HS3ST5: variants seen among roughly 807,000 people sequenced by gnomAD.
HS3ST5 encodes the protein heparan sulfate glucosamine 3-O-sulfotransferase 5.
A neutral mutation model predicts 25.4 loss-of-function variants in HS3ST5; 10 were observed. That is an observed-to-expected ratio of 0.39 (90% CI 0.24 to 0.67). HS3ST5 has a LOEUF of 0.67. HS3ST5 is among the 30% of genes least tolerant of loss of function. The probability of loss-of-function intolerance (pLI) is 0.44; values close to 1 mark genes in which losing one functional copy is unlikely to be tolerated. For missense variants in HS3ST5, 324 were observed against 420.7 expected, an observed-to-expected ratio of 0.77 and a Z score of 2.01; for synonymous variants, 170 against 162.4, an observed-to-expected ratio of 1.05 and a Z score of -0.36.
chr6:114,164,915 A>T lies in HS3ST5; in HGVS notation c.-33+3436T>A, dbSNP rs532733559. Reference sequence around the variant, plus strand: ...ATGTGCTTAATAACTCATCAAATACATTTACTTCCCTTCAACATCTACAAG... The same window carrying T: ...ATGTGCTTAATAACTCATCAAATACTTTTACTTCCCTTCAACATCTACAAG... On this transcript the variant is annotated intron_variant, in intron 3 of 4. Coordinates refer to ENST00000312719, the MANE Select transcript of HS3ST5 (RefSeq NM_153612.4). 1.1e-4 allele frequency among the ~76,000 whole-genome samples: 17 copies of T among 152,260 alleles called. No homozygotes were observed. In the South Asian group the frequency reaches 1.7e-3, roughly 15 times the overall value.
intron 2 of HS3ST5, among the ~76,000 whole-genome samples, chr6:114,212,419 A>T (rs1009950267): frequency 5.9e-5 from 9 of 152,168 alleles, no homozygotes; most frequent in Non-Finnish European, 1.2e-4. Flanking sequence ...CCAATTTATC[A>T]TTCCTCCTTT....
At chr6:114,067,873 G>A (rs1773555507) in intron 3 of HS3ST5, among the ~76,000 whole-genome samples, 1 of 152,142 alleles carries the variant, frequency 6.6e-6, no homozygotes, top group South Asian at 2.1e-4. Context: ...TCACATTTTG[G>A]TTTGGTTTTG....
At chr6:114,141,249 T>C (rs1777886873) in intron 3 of HS3ST5, among the ~76,000 whole-genome samples, 1 of 152,230 alleles carries the variant, frequency 6.6e-6, no homozygotes, top group Non-Finnish European at 1.5e-5. Context: ...ACGATTGAAA[T>C]GTAATCACAG....
chr6:114,065,616 G>A (rs1773404849), intron 3 of HS3ST5, among the ~76,000 whole-genome samples: 1 of 152,256 alleles, frequency 6.6e-6, no homozygotes, highest in South Asian at 2.1e-4. Context: ...ACTATATAAA[G>A]GTTTATTAGC....
chr6:114,334,162 A>G (rs1225073412), intron 1 of HS3ST5, among the ~76,000 whole-genome samples: 7 of 152,226 alleles, frequency 4.6e-5, no homozygotes. Flanking sequence ...GTCCCTGAGA[A>G]GCACTCAAGT....
intron 3 of HS3ST5, among the ~76,000 whole-genome samples, chr6:114,153,949 G>T (rs1778579254): frequency 6.6e-6 from 1 of 152,190 alleles, no homozygotes; most frequent in African/African-American, 2.4e-5. Flanking sequence ...AGCAGGGAAG[G>T]GTTATCAAGG....
At chr6:114,134,533 GAGA>G (rs1418395517) in intron 3 of HS3ST5, among the ~76,000 whole-genome samples, 3 of 152,222 alleles carry the variant, frequency 2.0e-5, no homozygotes, top group South Asian at 2.1e-4. Context: ...GACCTGCAGT[GAGA>G]AGAAGGCAGC....
At chr6:114,254,925 C>T (rs1342679770) in intron 1 of HS3ST5, among the ~76,000 whole-genome samples, 2 of 152,144 alleles carry the variant, frequency 1.3e-5, no homozygotes, top group Non-Finnish European at 2.9e-5. Flanking sequence ...TATTATTCCA[C>T]CTCTGGCCCC....
intron 2 of HS3ST5, among the ~76,000 whole-genome samples, chr6:114,172,441 A>G (rs1313582869): frequency 6.6e-6 from 1 of 152,226 alleles, no homozygotes; most frequent in Admixed American, 6.5e-5. Flanking sequence ...ACTATCAAAC[A>G]TTATCGTAAC....
chr6:114,201,225 C>T (rs1780999949), intron 2 of HS3ST5, among the ~76,000 whole-genome samples: 1 of 152,160 alleles, frequency 6.6e-6, no homozygotes, highest in South Asian at 2.1e-4. Flanking sequence ...GACGGCAACT[C>T]AATTCTTCTA....
At chr6:114,288,479 G>T (rs1282281925) in intron 1 of HS3ST5, among the ~76,000 whole-genome samples, 1 of 152,038 alleles carries the variant, frequency 6.6e-6, no homozygotes, top group African/African-American at 2.4e-5. Context: ...TAAATTATTT[G>T]CTATCTTTCC....
intron 2 of HS3ST5, among the ~76,000 whole-genome samples, chr6:114,183,146 C>A (rs1780045861): frequency 6.6e-6 from 1 of 152,102 alleles, no homozygotes; most frequent in African/African-American, 2.4e-5. Context: ...ATCTCATAAG[C>A]CAATGATATG....
At chr6:114,128,337 C>T (rs1777150327) in intron 3 of HS3ST5, among the ~76,000 whole-genome samples, 1 of 151,896 alleles carries the variant, frequency 6.6e-6, no homozygotes, top group Non-Finnish European at 1.5e-5. Context: ...TTAAAGGTGG[C>T]AAAATTGCAC....
At chr6:114,286,755 G>A (rs368944751) in intron 1 of HS3ST5, among the ~76,000 whole-genome samples, 29 of 151,656 alleles carry the variant, frequency 1.9e-4, no homozygotes, top group African/African-American at 5.8e-4. Flanking sequence ...ACATTAGAAC[G>A]AAATAAGTAA....
intron 1 of HS3ST5, among the ~76,000 whole-genome samples, chr6:114,264,081 A>G (rs1041542082): frequency 6.6e-6 from 1 of 152,342 alleles, no homozygotes; most frequent in African/African-American, 2.4e-5. Flanking sequence ...GGATTGTAAT[A>G]TGAATATTAT....
At chr6:114,293,080 A>G (rs1215498370) in intron 1 of HS3ST5, among the ~76,000 whole-genome samples, 1 of 152,120 alleles carries the variant, frequency 6.6e-6, no homozygotes, top group Non-Finnish European at 1.5e-5. Flanking sequence ...CGTGCACAGG[A>G]GCTCCACAAG....
At chr6:114,305,981 T>G (rs1775270969) in intron 1 of HS3ST5, among the ~76,000 whole-genome samples, 2 of 152,060 alleles carry the variant, frequency 1.3e-5, no homozygotes, top group African/African-American at 4.8e-5. Context: ...GGTTGGCATC[T>G]TGAATTAACA....
intron 1 of HS3ST5, among the ~76,000 whole-genome samples, chr6:114,234,993 C>T (rs1291639430): frequency 2.6e-5 from 4 of 152,118 alleles, no homozygotes; most frequent in East Asian, 3.9e-4. Flanking sequence ...TGTGGTGGCA[C>T]GCACCTGTAG....
chr6:114,275,445 C>G (rs2114715603), intron 1 of HS3ST5, among the ~76,000 whole-genome samples: 1 of 151,056 alleles, frequency 6.6e-6, no homozygotes, highest in African/African-American at 2.5e-5. Flanking sequence ...ACAATACATA[C>G]AGAAACTGTG....
Sources: gnomAD v4.1 joint callset for allele counts (sites outside exome capture counted in the v4.1 genomes callset) on GRCh38, gnomAD v4.1.1 for gene constraint, MANE v1.5 for transcripts, NCBI Gene and HGNC (gene_info 2026-07-23, HGNC 2026-07-21) for gene names.